TEKTIP1: variants seen among roughly 807,000 people sequenced by gnomAD.
TEKTIP1 encodes tektin bundle-interacting protein 1.
the TEKTIP1 span, chr19:3,542,802 C>T: frequency 3.6e-6 from 5 of 1,371,348 alleles, no homozygotes; most frequent in Non-Finnish European, 4.9e-6. Flanking sequence ...CCCAGTCTTC[C>T]CTGGGCCATG....
chr19:3,540,272 T>G, the TEKTIP1 span, among the ~76,000 whole-genome samples: 2 of 151,568 alleles, frequency 1.3e-5, no homozygotes, highest in South Asian at 2.1e-4. Context: ...TTTGTTTTTT[T>G]TTTTGGACGG....
At chr19:3,539,447 C>T in the TEKTIP1 span, 2 of 580,300 alleles carry the variant, frequency 3.4e-6, no homozygotes, top group South Asian at 4.2e-5. Context: ...ACTGTGGGGG[C>T]TACAGACCTG....
chr19:3,542,968 G>C, the TEKTIP1 span: 1 of 1,543,542 alleles, frequency 6.5e-7, no homozygotes, highest in Non-Finnish European at 8.8e-7. Context: ...TCTTCTCCAG[G>C]CAAGAAAAGC....
At chr19:3,543,111 C>T in the TEKTIP1 span, 45,042 of 1,525,772 alleles carry the variant, frequency 0.03, 4,795 homozygotes, top group African/African-American at 0.35. Context: ...CTCCAAGTGG[C>T]GAGGGAGGGA....
At chr19:3,542,937 G>GCCCTTGTCCTCTC in the TEKTIP1 span, 3 of 1,479,288 alleles carry the variant, frequency 2.0e-6, no homozygotes, top group Non-Finnish European at 2.7e-6. Context: ...AGTAGCCAGG[G>GCCCTTGTCCTCTC]CCCTTGTCCT....
the TEKTIP1 span, among the ~76,000 whole-genome samples, chr19:3,540,952 C>T: frequency 6.6e-6 from 1 of 151,486 alleles, no homozygotes; most frequent in Non-Finnish European, 1.5e-5. Context: ...GGGTGGATCA[C>T]GAGGTCAGGA....
the TEKTIP1 span, chr19:3,543,118 G>A: frequency 2.6e-6 from 4 of 1,522,146 alleles, no homozygotes; most frequent in Non-Finnish European, 3.5e-6. Flanking sequence ...TGGCGAGGGA[G>A]GGAGACCCCA....
chr19:3,542,505 A>T, the TEKTIP1 span: 1 of 975,426 alleles, frequency 1.0e-6, no homozygotes. Context: ...ACAGAGTCTC[A>T]CTCTGTTGCC....
chr19:3,541,333 CA>C, the TEKTIP1 span, among the ~76,000 whole-genome samples: 72 of 141,980 alleles, frequency 5.1e-4, no homozygotes, highest in Non-Finnish European at 3.9e-4. Context: ...AAGACTGTCT[CA>C]AAAAAAAAAA....
At chr19:3,543,975 C>CCTG in the TEKTIP1 span, 1 of 1,548,598 alleles carries the variant, frequency 6.5e-7, no homozygotes, top group South Asian at 1.2e-5. Context: ...CACCTGCCAG[C>CCTG]GGTCCCCGCC....
At chr19:3,539,627 G>A in the TEKTIP1 span, 2 of 241,190 alleles carry the variant, frequency 8.3e-6, no homozygotes, top group Non-Finnish European at 1.6e-5. Flanking sequence ...TGGTGGCTCT[G>A]GGCAACCCCA....
At chr19:3,543,269 C>T in the TEKTIP1 span, 7 of 1,547,280 alleles carry the variant, frequency 4.5e-6, no homozygotes, top group Non-Finnish European at 6.1e-6. Flanking sequence ...TTCCCGCTGG[C>T]CACCAGCCAT....
At chr19:3,540,314 A>G in the TEKTIP1 span, among the ~76,000 whole-genome samples, 2 of 151,368 alleles carry the variant, frequency 1.3e-5, no homozygotes, top group Non-Finnish European at 2.9e-5. Context: ...CTGGAACGCA[A>G]TGGTGCAATC....
the TEKTIP1 span, among the ~76,000 whole-genome samples, chr19:3,540,609 G>C: frequency 6.6e-6 from 1 of 152,026 alleles, no homozygotes; most frequent in East Asian, 2.0e-4. Context: ...GCCAGGCGCA[G>C]TGGCTCACGC....
the TEKTIP1 span, among the ~76,000 whole-genome samples, chr19:3,540,650 C>G: frequency 6.6e-6 from 1 of 151,314 alleles, no homozygotes; most frequent in Admixed American, 6.6e-5. Flanking sequence ...GAGGCCGAGG[C>G]AGGCGGATCA....
chr19:3,543,916 G>A, the TEKTIP1 span: 6 of 1,550,876 alleles, frequency 3.9e-6, no homozygotes, highest in South Asian at 7.1e-5. Flanking sequence ...CGCCCGCCCG[G>A]CACCACCCAG....
chr19:3,539,509 G>C, the TEKTIP1 span: 2 of 506,712 alleles, frequency 3.9e-6, no homozygotes, highest in Non-Finnish European at 3.6e-6. Context: ...GACTGCAAAC[G>C]CACTGGGAGC....
At chr19:3,541,542 C>CA in the TEKTIP1 span, 1 of 420,490 alleles carries the variant, frequency 2.4e-6, no homozygotes, top group Non-Finnish European at 3.1e-6. Flanking sequence ...AGGCTGGTCT[C>CA]AAACTCCTGA....
the TEKTIP1 span, chr19:3,543,846 T>TA: frequency 2.6e-6 from 4 of 1,542,458 alleles, no homozygotes; most frequent in African/African-American, 5.5e-5. Context: ...CAGGAACCGG[T>TA]ACGGGGTGGA....
Sources: allele counts gnomAD v4.1 joint callset (sites outside exome capture counted in the v4.1 genomes callset), GRCh38; gene constraint gnomAD v4.1.1; transcripts MANE v1.5; gene names NCBI Gene and HGNC (gene_info 2026-07-23, HGNC 2026-07-21).